CDH10: variants seen among roughly 807,000 people sequenced by gnomAD.
CDH10 encodes the protein cadherin 10.
In CDH10, 30 loss-of-function variants were observed where a neutral mutation model predicts 73.1. That is an observed-to-expected ratio of 0.41 (90% CI 0.31 to 0.56). The LOEUF is 0.56. Ranked by LOEUF, CDH10 falls within the 20% of genes least tolerant of loss-of-function variation. The probability of loss-of-function intolerance (pLI) is 0.27; values close to 1 mark genes in which losing one functional copy is unlikely to be tolerated. For missense variants in CDH10, 815 were observed against 973.7 expected (o/e 0.84, Z 2.17); for synonymous variants, 345 against 348.2 (o/e 0.99, Z 0.10).
chr5:24,493,027 A>G (rs1269600529), intron 9 of CDH10, 102 bp from the exon 10 acceptor site: 5 of 629,310 alleles, frequency 7.9e-6, no homozygotes, highest in African/African-American at 7.4e-5. Context: ...AAAATAATTG[A>G]CTTTTATTTC....
chr5:24,542,114 T>C (rs546004218), intron 2 of CDH10, among the ~76,000 whole-genome samples: 52 of 152,264 alleles, frequency 3.4e-4, no homozygotes, highest in African/African-American at 1.2e-3. Context: ...TTGTAAAACA[T>C]CTTTGTATAA....
chr5:24,548,122 G>A (rs551796303), intron 2 of CDH10, among the ~76,000 whole-genome samples: 47 of 152,032 alleles, frequency 3.1e-4, no homozygotes, highest in Non-Finnish European at 5.6e-4. Context: ...CCTCAGCAGG[G>A]TTTCTTTTCT....
At chr5:24,520,959 G>T (rs1437092239) in intron 5 of CDH10, among the ~76,000 whole-genome samples, 2 of 136,398 alleles carry the variant, frequency 1.5e-5, no homozygotes, top group African/African-American at 4.9e-5. Flanking sequence ...GACCTCAGGT[G>T]ATCCACTGGA....
At chr5:24,521,247 T>A (rs1183188047) in intron 5 of CDH10, among the ~76,000 whole-genome samples, 2 of 152,160 alleles carry the variant, frequency 1.3e-5, no homozygotes, top group Non-Finnish European at 2.9e-5. Flanking sequence ...TAAATATGTT[T>A]AAAGAAGTAA....
At chr5:24,608,128 A>T (rs1351533901) in intron 1 of CDH10, among the ~76,000 whole-genome samples, 1 of 152,174 alleles carries the variant, frequency 6.6e-6, no homozygotes, top group Non-Finnish European at 1.5e-5. Context: ...TTAAAAAAAG[A>T]TTGCCGACAG....
chr5:24,509,241 T>TC (rs1742807656), intron 7 of CDH10, among the ~76,000 whole-genome samples: 2 of 1,932 alleles, frequency 1.0e-3, no homozygotes, highest in Admixed American at 0.013. Flanking sequence ...TCCTTTTTCC[T>TC]TTTTTTTTTT....
chr5:24,565,041 C>T (rs1359610427), intron 2 of CDH10, among the ~76,000 whole-genome samples: 1 of 152,182 alleles, frequency 6.6e-6, no homozygotes, highest in African/African-American at 2.4e-5. Flanking sequence ...TCTACATCAG[C>T]TCCCATCTCT....
intron 2 of CDH10, among the ~76,000 whole-genome samples, chr5:24,567,104 G>A (rs114384182): frequency 0.014 from 2,204 of 152,078 alleles, 58 homozygotes; most frequent in African/African-American, 0.051. Flanking sequence ...AGGATGCTCA[G>A]CATCCTTAGT....
At chr5:24,508,270 T>G (rs903730018) in intron 7 of CDH10, among the ~76,000 whole-genome samples, 2 of 152,254 alleles carry the variant, frequency 1.3e-5, no homozygotes, top group African/African-American at 4.8e-5. Flanking sequence ...TGTATTTCTT[T>G]AAAGTAATAG....
chr5:24,577,886 G>A (rs11741876), intron 2 of CDH10, among the ~76,000 whole-genome samples: 58,218 of 152,054 alleles, frequency 0.38, 13,558 homozygotes, highest in East Asian at 0.54. Context: ...AGAGCACAAT[G>A]ATCAACACAG....
intron 1 of CDH10, among the ~76,000 whole-genome samples, chr5:24,630,287 C>G (rs1030806162): frequency 5.3e-5 from 8 of 152,044 alleles, no homozygotes; most frequent in African/African-American, 1.9e-4. Flanking sequence ...GGGGCTCACT[C>G]CTGTAATCCC....
intron 2 of CDH10, among the ~76,000 whole-genome samples, chr5:24,556,538 C>T (rs1273517555): frequency 6.6e-6 from 1 of 151,672 alleles, no homozygotes; most frequent in African/African-American, 2.4e-5. Flanking sequence ...ATATGATTAG[C>T]TCTGCAAGCC....
intron 6 of CDH10, among the ~76,000 whole-genome samples, chr5:24,510,907 T>A (rs1742879008): frequency 6.6e-6 from 1 of 152,234 alleles, no homozygotes. Flanking sequence ...CCATGCTGTC[T>A]CTTTTATTAG....
intron 2 of CDH10, among the ~76,000 whole-genome samples, chr5:24,560,877 C>CT (rs758017125): frequency 3.3e-5 from 5 of 151,746 alleles, no homozygotes; most frequent in South Asian, 2.1e-4. Flanking sequence ...TACTAATATG[C>CT]CTTTTTTTAC....
intron 2 of CDH10, among the ~76,000 whole-genome samples, chr5:24,565,775 A>ACC (rs138242628): frequency 0.014 from 2,193 of 151,350 alleles, 58 homozygotes; most frequent in African/African-American, 0.05. Context: ...ACACACACAC[A>ACC]CCCACACCCA....
At chr5:24,640,106 T>C (rs2112218509) in intron 1 of CDH10, among the ~76,000 whole-genome samples, 1 of 151,926 alleles carries the variant, frequency 6.6e-6, no homozygotes, top group Non-Finnish European at 1.5e-5. Context: ...AAATATAATG[T>C]ATAATGTGGC....
At chr5:24,517,429 G>A (rs1238831128) in intron 5 of CDH10, among the ~76,000 whole-genome samples, 1 of 152,054 alleles carries the variant, frequency 6.6e-6, no homozygotes, top group African/African-American at 2.4e-5. Context: ...ATTTCTTCTT[G>A]AGAACAAAAT....
intron 9 of CDH10, among the ~76,000 whole-genome samples, chr5:24,495,578 G>T (rs974334384): frequency 2.0e-5 from 3 of 152,094 alleles, no homozygotes; most frequent in Non-Finnish European, 4.4e-5. Flanking sequence ...GCCAGGCGCC[G>T]TGGCTCACGC....
chr5:24,631,484 AT>A (rs1436678594), intron 1 of CDH10, among the ~76,000 whole-genome samples: 1 of 152,020 alleles, frequency 6.6e-6, no homozygotes, highest in East Asian at 1.9e-4. Flanking sequence ...AGATACAGGC[AT>A]GCAGATCAGC....
Sources: gnomAD v4.1 joint callset for allele counts (sites outside exome capture counted in the v4.1 genomes callset) on GRCh38, gnomAD v4.1.1 for gene constraint, MANE v1.5 for transcripts, NCBI Gene and HGNC (gene_info 2026-07-23, HGNC 2026-07-21) for gene names.